The following MOSPD2 variants were observed in gnomAD, a reference collection of about 807,000 sequenced individuals.
MOSPD2 encodes motile sperm domain-containing protein 2.
MOSPD2 carries 5 observed loss-of-function variants against 41.7 expected under a neutral mutation model. The observed-to-expected ratio is 0.12, with a 90% CI of 0.06 to 0.25. The LOEUF (loss-of-function observed/expected upper bound fraction) is 0.25. Ranked by LOEUF, MOSPD2 falls within the 10% of genes least tolerant of loss-of-function variation. MOSPD2 has a pLI of 1.00. For synonymous variants in MOSPD2, 115 were observed against 126.9 expected, an observed-to-expected ratio of 0.91 and a Z score of 0.63; for missense variants, 282 against 375.2, an observed-to-expected ratio of 0.75 and a Z score of 2.05.
chrX:14,898,954 A>C (rs1005290821), intron 5 of MOSPD2, among the ~76,000 whole-genome samples: 2 of 109,956 alleles, frequency 1.8e-5, no homozygotes, highest in African/African-American at 6.5e-5. Context: ...TGAGCTTATA[A>C]ATTTCAAGGC....
Position 14,920,268 on chromosome X carries a change from A to G in MOSPD2, c.*459A>G, listed in dbSNP as rs748145643. The G allele has an allele frequency of 1.3e-6, 1 of 742,221 alleles. No homozygotes were observed. The highest frequency in any genetic ancestry group is 6.9e-5 in the South Asian group (1 of 14,461). 61.2% of individuals were successfully genotyped at this position (742,221 alleles called of 1,213,427 possible). ...ATACTATGTATATAGAAGAACATGT[A>G]TATTGAGAAAGAAAACATACTTATA... On this transcript the variant is annotated 3_prime_UTR_variant, in exon 15 of 15. Transcript: ENST00000380492.
At chrX:14,906,769 A>T (rs1047139333) in intron 7 of MOSPD2, among the ~76,000 whole-genome samples, 1 of 112,231 alleles carries the variant, frequency 8.9e-6, no homozygotes, top group Admixed American at 9.5e-5. Context: ...TCACGCCTGT[A>T]ATCCTAGCAC....
rs1392436510 is a variant in MOSPD2, at chrX:14,921,672, A to G, written c.*1863A>G. 1 of 214,600 alleles carries G rather than the reference A, an allele frequency of 4.7e-6. No individual in the cohort carries two copies. Among genetic ancestry groups the G allele is most frequent in the Non-Finnish European group, 8.4e-6 (1 of 118,587 alleles). The allele number at this position is 214,600 out of a possible 1,213,427, so 17.7% of individuals were successfully genotyped here. A position where few individuals can be genotyped will look rare whatever the true frequency, so the allele number is the denominator to read the frequency against. Reference sequence around the variant, plus strand: ...AATGTCTGGTCAGTTGAATTTAATAACATATCTTGTTAATGTTTGTGTGTC... The same window carrying G: ...AATGTCTGGTCAGTTGAATTTAATAGCATATCTTGTTAATGTTTGTGTGTC... On this transcript the variant is annotated 3_prime_UTR_variant, in exon 15 of 15. Transcript: ENST00000380492.
chrX:14,888,204 A>ACG (rs1191572782), intron 2 of MOSPD2, among the ~76,000 whole-genome samples: 3 of 46,046 alleles, frequency 6.5e-5, no homozygotes, highest in Non-Finnish European at 4.9e-5. Flanking sequence ...ATACACACAC[A>ACG]CGCACACACA....
At chrX:14,876,467 G>A (rs991272873) in intron 2 of MOSPD2, among the ~76,000 whole-genome samples, 8 of 112,156 alleles carry the variant, frequency 7.1e-5, no homozygotes, top group Admixed American at 2.8e-4. Flanking sequence ...GCACATTTTT[G>A]TGTCCATAGA....
At chrX:14,898,636 C>A (rs6631308) in intron 5 of MOSPD2, among the ~76,000 whole-genome samples, 7,109 of 111,107 alleles carry the variant, frequency 0.064, 464 homozygotes, top group African/African-American at 0.2. Context: ...AAAATAAATC[C>A]TGATTCTTTT....
intron 9 of MOSPD2, among the ~76,000 whole-genome samples, chrX:14,912,048 G>T (rs1346992026): frequency 1.8e-5 from 2 of 111,769 alleles, no homozygotes; most frequent in Non-Finnish European, 3.8e-5. Flanking sequence ...CTTAGTAGTT[G>T]TCACTTTTTA....
intron 7 of MOSPD2, among the ~76,000 whole-genome samples, chrX:14,905,432 A>G (rs2092580240): frequency 9.0e-6 from 1 of 111,172 alleles, no homozygotes. Flanking sequence ...TGGATGCTCA[A>G]GTCCCTCATA....
chrX:14,882,179 A>G (rs2092532599), intron 2 of MOSPD2, among the ~76,000 whole-genome samples: 1 of 111,920 alleles, frequency 8.9e-6, no homozygotes, highest in South Asian at 3.7e-4. Flanking sequence ...ATTTGTAGCA[A>G]TTTGGGTGAA....
At chrX:14,918,172 G>A (rs751888552) in intron 13 of MOSPD2, among the ~76,000 whole-genome samples, 1 of 111,913 alleles carries the variant, frequency 8.9e-6, no homozygotes, top group Non-Finnish European at 1.9e-5. Context: ...AAGTTCTTAC[G>A]AAACAGTCCC....
chrX:14,900,724 T>A (rs973665505), intron 6 of MOSPD2, 89 bp downstream of exon 6: 4 of 423,140 alleles, frequency 9.5e-6, no homozygotes, highest in Middle Eastern at 5.2e-4. Flanking sequence ...TATTATAGAC[T>A]TTCATACCTG....
intron 10 of MOSPD2, among the ~76,000 whole-genome samples, chrX:14,912,677 G>C (rs963577913): frequency 5.4e-5 from 6 of 111,724 alleles, no homozygotes; most frequent in African/African-American, 2.0e-4. Context: ...CCCAAGTTTG[G>C]GAATGCCAGA....
chrX:14,907,396 A>G (rs761581975), intron 7 of MOSPD2, among the ~76,000 whole-genome samples: 7 of 112,162 alleles, frequency 6.2e-5, no homozygotes, highest in Non-Finnish European at 1.3e-4. Flanking sequence ...CTACAGAAAA[A>G]CTTGTACACA....
intron 2 of MOSPD2, among the ~76,000 whole-genome samples, chrX:14,883,910 G>T (rs183077559): frequency 8.0e-4 from 89 of 111,404 alleles, no homozygotes; most frequent in Non-Finnish European, 1.5e-3. Context: ...GCATCATAGG[G>T]AAAAAGAAAT....
intron 10 of MOSPD2, among the ~76,000 whole-genome samples, chrX:14,913,309 G>A (rs2092594981): frequency 1.8e-5 from 2 of 111,805 alleles, no homozygotes; most frequent in South Asian, 7.4e-4. Flanking sequence ...GTCCTTGCCT[G>A]TAATTGTAGA....
intron 2 of MOSPD2, 197 bp downstream of exon 2, chrX:14,873,955 C>T: frequency 2.2e-6 from 1 of 448,365 alleles, no homozygotes; most frequent in South Asian, 3.3e-5. Context: ...TGGTGTGTCC[C>T]ATGCTCCCTT....
chrX:14,910,790 C>T (rs939649866), intron 8 of MOSPD2, among the ~76,000 whole-genome samples: 13 of 111,592 alleles, frequency 1.2e-4, no homozygotes, highest in Admixed American at 3.8e-4. Context: ...AAATATTTCA[C>T]TGTCATTTTA....
At chrX:14,879,209 G>C (rs2092527056) in intron 2 of MOSPD2, among the ~76,000 whole-genome samples, 1 of 111,621 alleles carries the variant, frequency 9.0e-6, no homozygotes, top group African/African-American at 3.3e-5. Context: ...GTTTGGGGTT[G>C]TTTCTAGGTT....
At chrX:14,894,316 A>ATTTT (rs759189386) in intron 3 of MOSPD2, among the ~76,000 whole-genome samples, 15 of 66,531 alleles carry the variant, frequency 2.3e-4, no homozygotes, top group Non-Finnish European at 3.5e-4. Flanking sequence ...TTATTGATTG[A>ATTTT]TTTTTTTTTT....
Sources: gnomAD v4.1 joint callset for allele counts (sites outside exome capture counted in the v4.1 genomes callset) on GRCh38, gnomAD v4.1.1 for gene constraint, MANE v1.5 for transcripts, NCBI Gene and HGNC (gene_info 2026-07-23, HGNC 2026-07-21) for gene names.